The following HTR3A variants were observed in gnomAD, a reference collection of about 807,000 sequenced individuals.
HTR3A encodes the protein 5-hydroxytryptamine receptor 3A, also known as 5-hydroxytryptamine (serotonin) receptor 3A, ionotropic.
In HTR3A, 45 loss-of-function variants were observed where a neutral mutation model predicts 54.8. That is an observed-to-expected ratio of 0.82 (90% confidence interval 0.65 to 1.05). The LOEUF (loss-of-function observed/expected upper bound fraction) is 1.05, where lower values mean the gene tolerates loss of function less well. HTR3A is among the 50% of genes least tolerant of loss of function. HTR3A has a pLI of 0.00. For synonymous variants in HTR3A, 297 were observed against 256.0 expected, an observed-to-expected ratio of 1.16 and a Z score of -1.53; for missense variants, 657 against 614.0, an observed-to-expected ratio of 1.07 and a Z score of -0.74.
chr11:113,984,671 C>T (rs1950467668), intron 5 of HTR3A, among the ~76,000 whole-genome samples: 1 of 152,144 alleles, frequency 6.6e-6, no homozygotes, highest in South Asian at 2.1e-4. Flanking sequence ...GTAATCCCAG[C>T]ACTTTGGGAG....
chr11:113,982,233 G>T (rs1950429665), intron 4 of HTR3A, among the ~76,000 whole-genome samples: 1 of 152,214 alleles, frequency 6.6e-6, no homozygotes, highest in African/African-American at 2.4e-5. Context: ...CAAGGGCAGG[G>T]AAGATGGCTG....
In HTR3A at chr11:113,986,569, A is replaced by G; in HGVS notation, c.757A>G (p.Ser253Gly). ...LFYVVSLLLPSIFLMVMDIVG... is the reference protein window; with the variant it reads ...LFYVVSLLLPGIFLMVMDIVG... ...CTATGTGGTCAGCCTGCTACTGCCC[A>G]GCATCTTCCTCATGGTCATGGACAT... The change falls in exon 7 of 9, where the codon AGC becomes GGC. Residue 253 changes from serine to glycine, a missense_variant. Ser to Gly is a moderately conservative substitution (Grantham distance 56). Coordinates refer to ENST00000504030, the MANE Select transcript of HTR3A (RefSeq NM_000869.6). 6.2e-7 allele frequency: 1 copy of G among 1,613,324 alleles called. No individual in the cohort carries two copies. The highest frequency in any genetic ancestry group is 8.5e-7 in the Non-Finnish European group (1 of 1,180,016).
chr11:113,985,974 G>C (rs367572049), intron 5 of HTR3A, 41 bp from the exon 6 acceptor site: 48 of 1,611,954 alleles, frequency 3.0e-5, no homozygotes, highest in Non-Finnish European at 4.0e-5. Flanking sequence ...GCAGGCTCTG[G>C]GTACTAGATT....
intron 2 of HTR3A, among the ~76,000 whole-genome samples, chr11:113,978,756 C>T (rs1362984486): frequency 6.6e-5 from 10 of 152,052 alleles, no homozygotes; most frequent in Non-Finnish European, 8.8e-5. Flanking sequence ...TTTGGGAAGC[C>T]GAGGTGGGCA....
chr11:113,983,003 C>T, intron 4 of HTR3A, 117 bp from the exon 5 acceptor site: 4 of 1,177,538 alleles, frequency 3.4e-6, no homozygotes, highest in South Asian at 1.2e-5. Context: ...TCCAGGTTAT[C>T]CGGCTGCCTA....
chr11:113,983,010 C>T (rs1950439348), intron 4 of HTR3A, 110 bp from the exon 5 acceptor site: 2 of 1,260,004 alleles, frequency 1.6e-6, no homozygotes, highest in Admixed American at 3.4e-5. Context: ...TATCCGGCTG[C>T]CTATACCCTC....
At chr11:113,982,973 A>T (rs1950438626) in intron 4 of HTR3A, 147 bp from the exon 5 acceptor site, 2 of 885,526 alleles carry the variant, frequency 2.3e-6, no homozygotes, top group East Asian at 5.2e-5. Flanking sequence ...AGGTTGGAAA[A>T]ACCGAGGCCA....
At chr11:113,975,871 C>T (rs1404823343) in intron 1 of HTR3A, among the ~76,000 whole-genome samples, 1 of 152,174 alleles carries the variant, frequency 6.6e-6, no homozygotes, top group Non-Finnish European at 1.5e-5. Context: ...GTCTAGTCCT[C>T]TTTCCTCAGC....
intron 1 of HTR3A, chr11:113,977,450 C>T (rs1401995247): frequency 1.4e-5 from 16 of 1,172,266 alleles, no homozygotes; most frequent in African/African-American, 1.0e-4. Flanking sequence ...GCTTAGGCCC[C>T]GTGGGCCACC....
At chr11:113,988,140 G>A (rs937992296) in intron 8 of HTR3A, among the ~76,000 whole-genome samples, 1 of 152,186 alleles carries the variant, frequency 6.6e-6, no homozygotes, top group Non-Finnish European at 1.5e-5. Context: ...TCCTGACTAG[G>A]GCCAGGCCCT....
intron 4 of HTR3A, among the ~76,000 whole-genome samples, chr11:113,982,204 C>A (rs552502398): frequency 1.3e-5 from 2 of 152,160 alleles, no homozygotes; most frequent in African/African-American, 2.4e-5. Context: ...TCAGGGCCCA[C>A]CAACTGGGTT....
chr11:113,988,603 A>C (rs1950518955), intron 8 of HTR3A, among the ~76,000 whole-genome samples: 1 of 152,192 alleles, frequency 6.6e-6, no homozygotes, highest in South Asian at 2.1e-4. Flanking sequence ...ATCTCTACTA[A>C]AATTACAAAA....
At chr11:113,976,828 C>G (rs751352039) in intron 1 of HTR3A, among the ~76,000 whole-genome samples, 2 of 150,998 alleles carry the variant, frequency 1.3e-5, no homozygotes, top group African/African-American at 2.4e-5. Context: ...CTTTGCTGCC[C>G]GTATGCTGGC....
At position 113,989,587 on chromosome 11, in the gene HTR3A, G is replaced by T. The variant is rs1201507908; in HGVS notation, c.1261G>T (p.Glu421Ter). The change falls in exon 9 of 9, where the codon GAG becomes TAG. Residue 421 changes from glutamate (E) to a stop codon, truncating the protein, a stop_gained. Coordinates refer to ENST00000504030, the MANE Select transcript of HTR3A (RefSeq NM_000869.6). LOFTEE classifies it high-confidence loss of function. This position sits in a 1 kb window ranked among gnomAD's most constrained non-coding sequence, Gnocchi z 4.4. The part of the protein sequence containing the change: ...ASLAVCGLLQ[E>*]LSSIRQFLEK... Reference sequence around the variant, plus strand: ...GCTGGCGGTGTGTGGGCTGCTGCAGGAGCTGTCCTCCATCCGGCAATTCCT... The same window carrying T: ...GCTGGCGGTGTGTGGGCTGCTGCAGTAGCTGTCCTCCATCCGGCAATTCCT... The T allele has an allele frequency of 6.2e-7, 1 of 1,614,194 alleles. No individual in the cohort carries two copies. The highest frequency in any genetic ancestry group is 8.5e-7 in the Non-Finnish European group (1 of 1,180,032).
At chr11:113,981,961 CA>C (rs778796836) in intron 4 of HTR3A, among the ~76,000 whole-genome samples, 100 of 116,964 alleles carry the variant, frequency 8.5e-4, no homozygotes, top group Non-Finnish European at 7.7e-4. Flanking sequence ...ACTCTGTCTC[CA>C]AAAAAAAAAA....
intron 2 of HTR3A, 125 bp from the exon 3 acceptor site, chr11:113,979,108 T>C (rs2137571025): frequency 1.3e-6 from 1 of 784,258 alleles, no homozygotes; most frequent in Non-Finnish European, 2.3e-6. Context: ...CCCCGGCCCC[T>C]GCTCTTCACT....
At chr11:113,981,346 T>C (rs1565579957) in intron 4 of HTR3A, 34 bp downstream of exon 4, 2 of 1,392,028 alleles carry the variant, frequency 1.4e-6, no homozygotes, top group East Asian at 4.6e-5. Context: ...GGTGGCTGGG[T>C]GGCTTAGGAG....
intron 3 of HTR3A, among the ~76,000 whole-genome samples, chr11:113,980,501 G>A (rs1950408565): frequency 6.6e-6 from 1 of 152,242 alleles, no homozygotes. Context: ...CAGATGCCTT[G>A]GCCAAGCCCA....
At chr11:113,981,011 GGCA>G in intron 3 of HTR3A, 189 bp from the exon 4 acceptor site, 1 of 608,136 alleles carries the variant, frequency 1.6e-6, no homozygotes, top group Non-Finnish European at 3.0e-6. Flanking sequence ...TATGTGTGGA[GGCA>G]GAGTGTGAAT....
Sources: allele counts gnomAD v4.1 joint callset (sites outside exome capture counted in the v4.1 genomes callset), GRCh38; gene constraint gnomAD v4.1.1; non-coding constraint Gnocchi (gnomAD v3.1); transcripts MANE v1.5; gene names NCBI Gene and HGNC (gene_info 2026-07-23, HGNC 2026-07-21).